The following PPM1E variants were observed in gnomAD, a reference collection of about 807,000 sequenced individuals.
PPM1E encodes the protein protein phosphatase, Mg2+/Mn2+ dependent 1E.
In PPM1E, 20 loss-of-function variants were observed where a neutral mutation model predicts 65.9. That is an observed-to-expected ratio of 0.30 (90% CI 0.21 to 0.44). The LOEUF is 0.44. Among genes scored for constraint, PPM1E ranks in the 20% least tolerant of loss-of-function variants. PPM1E has a pLI of 1.00. For synonymous variants in PPM1E, 352 were observed against 374.9 expected (o/e 0.94, Z 0.70); for missense variants, 713 against 953.1 (o/e 0.75, Z 3.32).
chr17:58,780,468 A>G (rs938005818), intron 1 of PPM1E, among the ~76,000 whole-genome samples: 1 of 152,222 alleles, frequency 6.6e-6, no homozygotes, highest in African/African-American at 2.4e-5. Flanking sequence ...ATTTTTGCCA[A>G]TCTGATGAGC....
chr17:58,936,540 C>T (rs1018893704), intron 1 of PPM1E, among the ~76,000 whole-genome samples: 14 of 152,298 alleles, frequency 9.2e-5, no homozygotes, highest in South Asian at 4.1e-4. Context: ...GCTGTGCAGA[C>T]GCCCACATTG....
At chr17:58,966,157 C>T (rs1158245230) in intron 3 of PPM1E, 2 of 478,834 alleles carry the variant, frequency 4.2e-6, no homozygotes, top group Non-Finnish European at 3.8e-6. Context: ...AGTTCCCTTC[C>T]ATGGAGGCAA....
At chr17:58,909,924 C>CTTTTTTTTTTTTTTTTT (rs35833275) in intron 1 of PPM1E, among the ~76,000 whole-genome samples, 144 of 90,032 alleles carry the variant, frequency 1.6e-3, no homozygotes, top group South Asian at 2.1e-3. Flanking sequence ...TTTTCTTTTT[C>CTTTTTTTTTTTTTTTTT]TTTTTTTTTT....
At chr17:58,916,402 C>T (rs1409931629) in intron 1 of PPM1E, among the ~76,000 whole-genome samples, 2 of 152,132 alleles carry the variant, frequency 1.3e-5, no homozygotes, top group Non-Finnish European at 2.9e-5. Flanking sequence ...TCTCCACAGG[C>T]CTTTGCTTAT....
intron 1 of PPM1E, among the ~76,000 whole-genome samples, chr17:58,813,282 A>T (rs990596636): frequency 4.6e-5 from 7 of 152,134 alleles, no homozygotes; most frequent in African/African-American, 1.7e-4. Context: ...GTACAATGGG[A>T]TCTTTTTAGC....
chr17:58,955,114 C>G (rs34348776), intron 1 of PPM1E, among the ~76,000 whole-genome samples: 24,524 of 152,018 alleles, frequency 0.16, 2,399 homozygotes, highest in Non-Finnish European at 0.21. Context: ...CCTGTAATCC[C>G]AGCACTTTGG....
chr17:58,759,274 C>T (rs144283836), intron 1 of PPM1E, among the ~76,000 whole-genome samples: 8 of 152,114 alleles, frequency 5.3e-5, no homozygotes, highest in Non-Finnish European at 8.8e-5. Flanking sequence ...AAGTTACCTA[C>T]GTTTTACTCC....
At chr17:58,817,041 G>C (rs1454370910) in intron 1 of PPM1E, among the ~76,000 whole-genome samples, 1 of 151,682 alleles carries the variant, frequency 6.6e-6, no homozygotes, top group African/African-American at 2.4e-5. Context: ...CCATCTGCTT[G>C]CCTTGGCCTC....
chr17:58,945,747 T>C (rs534758680), intron 1 of PPM1E, among the ~76,000 whole-genome samples: 2 of 152,314 alleles, frequency 1.3e-5, no homozygotes, highest in East Asian at 3.9e-4. Flanking sequence ...CATTCACTTA[T>C]GTTTACTGGT....
At chr17:58,973,324 G>C (rs1448634364) in intron 6 of PPM1E, among the ~76,000 whole-genome samples, 1 of 151,858 alleles carries the variant, frequency 6.6e-6, no homozygotes, top group Non-Finnish European at 1.5e-5. Context: ...GGCTGAGGCA[G>C]GAATATTGCT....
At chr17:58,979,918 T>C in intron 6 of PPM1E, 56 bp from the exon 7 acceptor site, 1 of 1,413,760 alleles carries the variant, frequency 7.1e-7, no homozygotes, top group South Asian at 1.3e-5. Context: ...ATAAACGTTC[T>C]TAGCATGCAA....
chr17:58,866,850 T>C (rs1598618283), intron 1 of PPM1E, among the ~76,000 whole-genome samples: 1 of 152,364 alleles, frequency 6.6e-6, no homozygotes, highest in East Asian at 1.9e-4. Flanking sequence ...TCTATGTTCC[T>C]TAAGGGGTCT....
chr17:58,757,876 C>T (rs116117339), intron 1 of PPM1E, among the ~76,000 whole-genome samples: 2,229 of 152,070 alleles, frequency 0.015, 45 homozygotes, highest in African/African-American at 0.051. Flanking sequence ...TATAAAATGG[C>T]GTGTAATACC....
chr17:58,782,352 G>A (rs2050058236), intron 1 of PPM1E, among the ~76,000 whole-genome samples: 1 of 151,512 alleles, frequency 6.6e-6, no homozygotes, highest in Non-Finnish European at 1.5e-5. Flanking sequence ...TAAAAGGCAA[G>A]TGCAACTAAA....
intron 1 of PPM1E, among the ~76,000 whole-genome samples, chr17:58,850,475 G>A (rs937957532): frequency 6.6e-6 from 1 of 152,096 alleles, no homozygotes; most frequent in African/African-American, 2.4e-5. Context: ...AGGCCTGGTG[G>A]TGACAAAATC....
intron 1 of PPM1E, among the ~76,000 whole-genome samples, chr17:58,805,958 AAACAAAAAAAAAAAAC>A (rs1377588987): frequency 9.0e-5 from 9 of 100,096 alleles, no homozygotes; most frequent in African/African-American, 4.2e-4. Flanking sequence ...CTAAAAAAAA[AAACAAAAAAAAAAAAC>A]AAAAAAAAAA....
chr17:58,872,077 C>T (rs1055321337), intron 1 of PPM1E, among the ~76,000 whole-genome samples: 2 of 152,148 alleles, frequency 1.3e-5, no homozygotes, highest in Admixed American at 6.6e-5. Flanking sequence ...GCAGGCAGAT[C>T]ACCTGAGGTC....
intron 1 of PPM1E, among the ~76,000 whole-genome samples, chr17:58,816,792 A>T (rs1388928309): frequency 0.066 from 583 of 8,864 alleles, 25 homozygotes; most frequent in South Asian, 0.16. Context: ...ATATATATAT[A>T]TATTTTTTTT....
At chr17:58,833,771 C>G (rs2050627896) in intron 1 of PPM1E, among the ~76,000 whole-genome samples, 1 of 152,106 alleles carries the variant, frequency 6.6e-6, no homozygotes. Context: ...ATTCCTGGGT[C>G]AAATGGTAGT....
Sources: allele counts gnomAD v4.1 joint callset (sites outside exome capture counted in the v4.1 genomes callset), GRCh38; gene constraint gnomAD v4.1.1; transcripts MANE v1.5; gene names NCBI Gene and HGNC (gene_info 2026-07-23, HGNC 2026-07-21).